The following RETREG3 variants were observed in gnomAD, a reference collection of about 807,000 sequenced individuals.
RETREG3 encodes the protein reticulophagy regulator 3.
In RETREG3, 23 loss-of-function variants were observed where a neutral mutation model predicts 50.2. That is an observed-to-expected ratio of 0.46 (90% CI 0.33 to 0.65). The LOEUF (loss-of-function observed/expected upper bound fraction) is 0.65, where lower values mean the gene tolerates loss of function less well. Among genes scored for constraint, RETREG3 ranks in the 30% least tolerant of loss-of-function variants. The probability of loss-of-function intolerance (pLI) is 0.02; values close to 1 mark genes in which losing one functional copy is unlikely to be tolerated. For synonymous variants in RETREG3, 240 were observed against 234.4 expected (o/e 1.02, Z -0.22); for missense variants, 546 against 598.0 (o/e 0.91, Z 0.91).
chr17:42,593,050 CA>C (rs1355615376), intron 1 of RETREG3, among the ~76,000 whole-genome samples: 1 of 151,762 alleles, frequency 6.6e-6, no homozygotes, highest in Non-Finnish European at 1.5e-5. Flanking sequence ...CAAACTCTTC[CA>C]AAAAACCAAA....
chr17:42,603,202 T>C (rs976687622), intron 1 of RETREG3, among the ~76,000 whole-genome samples: 3 of 152,184 alleles, frequency 2.0e-5, no homozygotes, highest in Non-Finnish European at 2.9e-5. Context: ...TGATTAACTA[T>C]ACCATGGAGC....
intron 2 of RETREG3, 68 bp downstream of exon 2, chr17:42,591,988 T>C: frequency 1.5e-6 from 2 of 1,348,872 alleles, no homozygotes; most frequent in South Asian, 1.3e-5. Flanking sequence ...AAACCCCTAA[T>C]ACTAAAGGTA....
At chr17:42,587,664 C>T in intron 3 of RETREG3, 170 bp downstream of exon 3, 1 of 724,958 alleles carries the variant, frequency 1.4e-6, no homozygotes. Flanking sequence ...CACAGGCCAT[C>T]TCAACATATT....
Position 42,586,794 on chromosome 17 carries a change from A to G in RETREG3, c.475T>C (p.Leu159=), listed in dbSNP as rs1400771351. The G allele has an allele frequency of 4.3e-6, 7 of 1,614,146 alleles. No homozygotes were observed. Among genetic ancestry groups the G allele is most frequent in the Non-Finnish European group, 5.9e-6 (7 of 1,179,996 alleles). ...CCTGGGTTTTGCTTTTTGAAAAGCAAAACATTCCTTATGAAAATGGTCCCA... is the reference window on the plus strand; with the variant it reads ...CCTGGGTTTTGCTTTTTGAAAAGCAGAACATTCCTTATGAAAATGGTCCCA... ...VSGTIFIRNV[L]LFKKQNPGKF... The change falls in exon 4 of 9, where the codon TTG becomes CTG. Residue 159 remains leucine, a synonymous_variant. Coordinates refer to ENST00000309428, the MANE Select transcript of RETREG3 (RefSeq NM_178126.4).
At chr17:42,587,042 G>T in intron 3 of RETREG3, 151 bp from the exon 4 acceptor site, 1 of 1,052,434 alleles carries the variant, frequency 9.5e-7, no homozygotes, top group Non-Finnish European at 1.4e-6. Context: ...TTTCTTCTTG[G>T]CTCACCAGGT....
chr17:42,595,882 CAG>C (rs1266641331), intron 1 of RETREG3, among the ~76,000 whole-genome samples: 1 of 147,246 alleles, frequency 6.8e-6, no homozygotes, highest in African/African-American at 2.5e-5. Flanking sequence ...GGCTGGGAAA[CAG>C]GGCAAGGCCC....
intron 1 of RETREG3, among the ~76,000 whole-genome samples, chr17:42,594,037 C>CA (rs2093138661): frequency 6.6e-6 from 1 of 151,890 alleles, no homozygotes; most frequent in Non-Finnish European, 1.5e-5. Context: ...AAAACAAATA[C>CA]AAAAAATGAG....
intron 1 of RETREG3, among the ~76,000 whole-genome samples, chr17:42,598,213 C>T (rs1330521511): frequency 6.7e-6 from 1 of 149,862 alleles, no homozygotes; most frequent in Non-Finnish European, 1.5e-5. Context: ...GATCTCCTGA[C>T]CTCATGATCC....
chr17:42,604,307 C>G (rs1314610883), intron 1 of RETREG3, among the ~76,000 whole-genome samples: 2 of 152,090 alleles, frequency 1.3e-5, no homozygotes, highest in Non-Finnish European at 2.9e-5. Context: ...CTACTTGGGA[C>G]TCAGCTTGTG....
At chr17:42,602,268 G>A (rs2093160094) in intron 1 of RETREG3, among the ~76,000 whole-genome samples, 2 of 151,190 alleles carry the variant, frequency 1.3e-5, no homozygotes. Flanking sequence ...AGTGAGCTGA[G>A]ATCATGCCAC....
chr17:42,604,507 A>G (rs151337069), intron 1 of RETREG3, among the ~76,000 whole-genome samples: 299 of 152,010 alleles, frequency 2.0e-3, no homozygotes, highest in African/African-American at 6.8e-3. Context: ...CTGTCTCTAC[A>G]AAAGTTTTGC....
intron 2 of RETREG3, among the ~76,000 whole-genome samples, chr17:42,590,898 C>T (rs1231131893): frequency 6.6e-6 from 1 of 151,926 alleles, no homozygotes; most frequent in African/African-American, 2.4e-5. Flanking sequence ...ACCTGGGAGG[C>T]GGAGGTTGCA....
rs561347427 is a variant in RETREG3 at position 42,581,972 on chromosome 17, G to T, written c.1242C>A (p.Ser414=). The T allele has an allele frequency of 1.2e-6, 2 of 1,614,134 alleles. No homozygotes were observed. The highest frequency in any genetic ancestry group is 1.1e-5 in the South Asian group (1 of 91,088). Residue 414 remains serine (S), a synonymous_variant, in exon 9 of 9, where the codon TCC becomes TCA. Transcript: ENST00000309428. ...GMIQLALSGA[S]QPGPSGAPAQ... ...CAGGTGCTCCAGAAGGGCCTGGTTGGGAGGCCCCTGACAAGGCCAGCTGAA... is the reference window on the plus strand; with the variant it reads ...CAGGTGCTCCAGAAGGGCCTGGTTGTGAGGCCCCTGACAAGGCCAGCTGAA...
At chr17:42,591,585 C>T (rs1051762600) in intron 2 of RETREG3, among the ~76,000 whole-genome samples, 1 of 152,102 alleles carries the variant, frequency 6.6e-6, no homozygotes, top group African/African-American at 2.4e-5. Flanking sequence ...GGTGATCCAC[C>T]CGCCTCGGAC....
In RETREG3 at chr17:42,583,591, A is replaced by G; in HGVS notation, c.728-11T>C. 6.2e-7 allele frequency: 1 copy of G among 1,611,964 alleles called. No homozygotes were observed. Among genetic ancestry groups the G allele is most frequent in the Non-Finnish European group, 8.5e-7 (1 of 1,178,588 alleles). On this transcript the variant is annotated splice_polypyrimidine_tract_variant and intron_variant, in intron 6 of 8. Coordinates refer to ENST00000309428, the MANE Select transcript of RETREG3 (RefSeq NM_178126.4). ...GAGCTCTGCGGCGTACTGTGGGAAG[A>G]GCACAAAGTCTTGCTTGATACCTTC...
chr17:42,594,751 T>C (rs2093140360), intron 1 of RETREG3, among the ~76,000 whole-genome samples: 1 of 151,346 alleles, frequency 6.6e-6, no homozygotes, highest in Non-Finnish European at 1.5e-5. Context: ...CTCGGGAGGC[T>C]GAGGCAGGAG....
chr17:42,608,935 G>A, intron 1 of RETREG3, 151 bp downstream of exon 1: 1 of 731,292 alleles, frequency 1.4e-6, no homozygotes, highest in Non-Finnish European at 2.2e-6. Context: ...GAAGCCTGCA[G>A]GCGGGATGGA....
In RETREG3 at chr17:42,609,358, G is replaced by A. The variant is rs1235774528; in HGVS notation, c.-34C>T. 1.1e-5 allele frequency: 18 copies of A among 1,575,822 alleles called. No homozygotes were observed. The highest frequency in any genetic ancestry group is 2.2e-5 in the East Asian group (1 of 44,600). On this transcript the variant is annotated 5_prime_UTR_variant, in exon 1 of 9. Coordinates refer to ENST00000309428, the MANE Select transcript of RETREG3 (RefSeq NM_178126.4). ...GGCAGCCACAACATCCGGGGCCGTGGCCCGACAAGTCACAATAACAGCAAC... is the reference window on the plus strand; with the variant it reads ...GGCAGCCACAACATCCGGGGCCGTGACCCGACAAGTCACAATAACAGCAAC...
intron 2 of RETREG3, among the ~76,000 whole-genome samples, chr17:42,588,433 A>C (rs1265978494): frequency 6.6e-6 from 1 of 150,678 alleles, no homozygotes; most frequent in African/African-American, 2.4e-5. Flanking sequence ...TTTTGGAGAC[A>C]GGGTCTTGCT....
Sources: allele counts gnomAD v4.1 joint callset (sites outside exome capture counted in the v4.1 genomes callset), GRCh38; gene constraint gnomAD v4.1.1; transcripts MANE v1.5; gene names NCBI Gene and HGNC (gene_info 2026-07-23, HGNC 2026-07-21).